The following RORA variants were observed in gnomAD, a reference collection of about 807,000 sequenced individuals.
The protein encoded by RORA is nuclear receptor ROR-alpha.
Under a neutral mutation model 69.5 loss-of-function variants are expected in RORA, and 7 were observed. That is an observed-to-expected ratio of 0.10 (90% CI 0.06 to 0.19). RORA has a LOEUF of 0.19. Ranked by LOEUF, RORA falls within the 10% of genes least tolerant of loss-of-function variation. The pLI is 1.00. For missense variants in RORA, 457 were observed against 663.0 expected (o/e 0.69, Z 3.41); for synonymous variants, 261 against 240.8 (o/e 1.08, Z -0.78).
chr15:60,887,021 G>GA (rs1567225966), intron 1 of RORA, among the ~76,000 whole-genome samples: 1 of 152,134 alleles, frequency 6.6e-6, no homozygotes, highest in African/African-American at 2.4e-5. Context: ...CGTCTTCCTT[G>GA]ATAGTTTTTA....
At chr15:60,625,494 G>T (rs1252481096) in intron 2 of RORA, among the ~76,000 whole-genome samples, 2 of 152,118 alleles carry the variant, frequency 1.3e-5, no homozygotes, top group African/African-American at 4.8e-5. Context: ...TGTACAAAAT[G>T]GTTCATGTTT....
chr15:60,979,019 T>C (rs1893955536), intron 1 of RORA, among the ~76,000 whole-genome samples: 2 of 142,236 alleles, frequency 1.4e-5, no homozygotes. Flanking sequence ...TGGAGTGCAG[T>C]GGTGCGATCT....
chr15:60,789,320 C>G (rs146986598), intron 1 of RORA, among the ~76,000 whole-genome samples: 60 of 152,352 alleles, frequency 3.9e-4, no homozygotes, highest in Admixed American at 3.8e-3. Context: ...AAAATGCCCT[C>G]AAACAGCAAA....
intron 1 of RORA, among the ~76,000 whole-genome samples, chr15:60,806,822 C>T (rs940476338): frequency 1.3e-5 from 2 of 152,150 alleles, no homozygotes; most frequent in African/African-American, 2.4e-5. Context: ...GAGAAAAAGG[C>T]AGGCTTGAAG....
chr15:60,938,005 G>C (rs1892577302), intron 1 of RORA, among the ~76,000 whole-genome samples: 1 of 152,162 alleles, frequency 6.6e-6, no homozygotes. Context: ...GTGAGGAAGA[G>C]GAAGGAGAGA....
At chr15:61,148,177 T>G (rs560507730) in intron 1 of RORA, among the ~76,000 whole-genome samples, 1 of 152,180 alleles carries the variant, frequency 6.6e-6, no homozygotes, top group East Asian at 1.9e-4. Flanking sequence ...CCACTGAAGT[T>G]TTGAGGATCA....
At chr15:60,840,842 T>C (rs769085075) in intron 1 of RORA, among the ~76,000 whole-genome samples, 15 of 152,200 alleles carry the variant, frequency 9.9e-5, no homozygotes, top group Non-Finnish European at 1.9e-4. Context: ...TGCCTGGCAC[T>C]GTGGCAACTG....
intron 1 of RORA, among the ~76,000 whole-genome samples, chr15:60,930,015 T>C (rs562368711): frequency 1.6e-4 from 24 of 152,324 alleles, no homozygotes; most frequent in Admixed American, 7.8e-4. Context: ...CTATTTGTGT[T>C]ACTTAATACT....
intron 1 of RORA, among the ~76,000 whole-genome samples, chr15:60,689,394 T>C (rs796667271): frequency 1.1e-4 from 16 of 152,326 alleles, no homozygotes; most frequent in African/African-American, 3.6e-4. Context: ...ATGGGTTCTT[T>C]TGGAGATTGA....
chr15:60,835,014 C>T (rs1233571670), intron 1 of RORA, among the ~76,000 whole-genome samples: 1 of 152,020 alleles, frequency 6.6e-6, no homozygotes, highest in Non-Finnish European at 1.5e-5. Context: ...ATATTTAGAG[C>T]TTTAAAGGGA....
At position 60,567,954 on chromosome 15, in the gene RORA, C is replaced by T. The variant is rs140354227; in HGVS notation, c.197-36103G>A. Among the ~76,000 whole-genome samples, 810 of 152,240 alleles carry T rather than the reference C, an allele frequency of 5.3e-3. 9 individuals carry two copies. Among genetic ancestry groups the T allele is most frequent in the African/African-American group, 0.019 (782 of 41,540 alleles). ...CCTATGATGAACAGAAGGTAGAAAGCATGCTCTGTGGCAGGGTTTCTCAGC... is the reference window on the plus strand; with the variant it reads ...CCTATGATGAACAGAAGGTAGAAAGTATGCTCTGTGGCAGGGTTTCTCAGC... On this transcript the variant is annotated intron_variant, in intron 2 of 10. Coordinates refer to ENST00000335670, the MANE Select transcript of RORA (RefSeq NM_134261.3).
chr15:60,509,825 T>A (rs2065636544), intron 5 of RORA, among the ~76,000 whole-genome samples: 1 of 151,796 alleles, frequency 6.6e-6, no homozygotes, highest in South Asian at 2.1e-4. Flanking sequence ...CTACCTCTGC[T>A]CAGCTTGGCT....
chr15:61,064,665 T>G (rs1012729635), intron 1 of RORA, among the ~76,000 whole-genome samples: 1 of 152,164 alleles, frequency 6.6e-6, no homozygotes, highest in Non-Finnish European at 1.5e-5. Flanking sequence ...AGATTTACCA[T>G]GGATAGCTTT....
intron 1 of RORA, among the ~76,000 whole-genome samples, chr15:60,947,501 G>A (rs552006321): frequency 4.0e-5 from 6 of 151,584 alleles, no homozygotes; most frequent in Admixed American, 3.3e-4. Flanking sequence ...CAGCATGCTC[G>A]TTAAGAGTCA....
At chr15:60,995,603 A>T (rs1894509048) in intron 1 of RORA, among the ~76,000 whole-genome samples, 1 of 152,220 alleles carries the variant, frequency 6.6e-6, no homozygotes, top group Admixed American at 6.5e-5. Context: ...GTTTGAGCAC[A>T]GATCTGATAG....
At chr15:60,661,993 TGAA>T (rs1311394756) in intron 2 of RORA, among the ~76,000 whole-genome samples, 1 of 152,236 alleles carries the variant, frequency 6.6e-6, no homozygotes, top group Non-Finnish European at 1.5e-5. Flanking sequence ...CCACACTCTA[TGAA>T]GAAGGCTTGG....
chr15:61,204,954 A>G (rs934758648), intron 1 of RORA, among the ~76,000 whole-genome samples: 3 of 152,248 alleles, frequency 2.0e-5, no homozygotes, highest in African/African-American at 7.2e-5. Flanking sequence ...CATTCTGTTC[A>G]GGCTTTTCAA....
intron 1 of RORA, among the ~76,000 whole-genome samples, chr15:61,009,244 C>T (rs1056762257): frequency 5.3e-5 from 8 of 152,216 alleles, no homozygotes; most frequent in Non-Finnish European, 8.8e-5. Context: ...TAGCCCATTC[C>T]GGGGGAGGGA....
chr15:60,605,287 C>G (rs1433051891), intron 2 of RORA, among the ~76,000 whole-genome samples: 1 of 151,832 alleles, frequency 6.6e-6, no homozygotes, highest in African/African-American at 2.4e-5. Flanking sequence ...TTTGTACTCT[C>G]TGGAAACAAG....
Sources: gnomAD v4.1 joint callset for allele counts (sites outside exome capture counted in the v4.1 genomes callset) on GRCh38, gnomAD v4.1.1 for gene constraint, MANE v1.5 for transcripts, NCBI Gene and HGNC (gene_info 2026-07-23, HGNC 2026-07-21) for gene names.